The following EPHB2 variants were observed in gnomAD, a reference collection of about 807,000 sequenced individuals.
The protein encoded by EPHB2 is ephrin type-B receptor 2.
EPHB2 carries 18 observed loss-of-function variants against 96.4 expected under a neutral mutation model. The ratio of observed to expected loss-of-function variants is 0.19; its 90% confidence interval spans 0.13 to 0.28. EPHB2 has a LOEUF of 0.28. Among genes scored for constraint, EPHB2 ranks in the 10% least tolerant of loss-of-function variants. The pLI, the probability that EPHB2 is intolerant of heterozygous loss-of-function variation, is 1.00. For missense variants in EPHB2, 989 were observed against 1,355.4 expected (o/e 0.73, Z 4.25); for synonymous variants, 506 against 534.1 (o/e 0.95, Z 0.72).
chr1:22,751,209 G>T (rs1462937200), intron 1 of EPHB2, among the ~76,000 whole-genome samples: 1 of 152,196 alleles, frequency 6.6e-6, no homozygotes, highest in African/African-American at 2.4e-5. Context: ...GAGGGGATGG[G>T]ACCTAGCAGA....
chr1:22,778,478 A>G lies in EPHB2; in HGVS notation c.62-2943A>G, dbSNP rs147117782. Among the ~76,000 whole-genome samples the G allele has an allele frequency of 9.9e-5, 15 of 152,226 alleles. No homozygotes were observed. In the East Asian group the frequency reaches 2.9e-3, roughly 29 times the overall value. ...GGGAGGGGTTAAAATTGAAAAGCAA[A>G]AGACCAGGTTGGGGAGAGAGCATGC... is the stretch of plus-strand genomic sequence containing the variant. On this transcript the variant is annotated intron_variant, in intron 1 of 15. Coordinates refer to ENST00000374630, the MANE Select transcript of EPHB2 (RefSeq NM_017449.5).
intron 9 of EPHB2, among the ~76,000 whole-genome samples, chr1:22,896,800 A>C (rs1639580213): frequency 6.6e-6 from 1 of 152,176 alleles, no homozygotes; most frequent in Non-Finnish European, 1.5e-5. Context: ...CGCAGGCTGC[A>C]TTGAGGTGGC....
intron 3 of EPHB2, among the ~76,000 whole-genome samples, chr1:22,804,598 C>T (rs1050878161): frequency 6.6e-5 from 10 of 151,992 alleles, no homozygotes; most frequent in African/African-American, 2.4e-4. Context: ...TAGGAACCTC[C>T]CCGCCCCACC....
chr1:22,840,723 AGT>A, intron 3 of EPHB2, among the ~76,000 whole-genome samples: 1 of 152,284 alleles, frequency 6.6e-6, no homozygotes, highest in African/African-American at 2.4e-5. Flanking sequence ...TGCCTCCCGA[AGT>A]GCTGGGATTA....
intron 3 of EPHB2, among the ~76,000 whole-genome samples, chr1:22,795,163 C>G (rs78666033): frequency 6.6e-6 from 1 of 152,100 alleles, no homozygotes; most frequent in Non-Finnish European, 1.5e-5. Flanking sequence ...CAAGAGGAAC[C>G]GAGGCCCAGA....
chr1:22,875,462 A>G lies in EPHB2; in HGVS notation c.1304-6897A>G, dbSNP rs1041672690. Among the ~76,000 whole-genome samples, 1 of 152,124 alleles carries G rather than the reference A, an allele frequency of 6.6e-6. No individual in the cohort carries two copies. Among genetic ancestry groups the G allele is most frequent in the South Asian group, 2.1e-4 (1 of 4,830 alleles). ...TGTGGGTGGGCACAGGGCCTGGGGG[A>G]GAGGGAAACTGCCTTCCGCTGGCTG... On this transcript the variant is annotated intron_variant, in intron 5 of 15. Coordinates refer to ENST00000374630, the MANE Select transcript of EPHB2 (RefSeq NM_017449.5). The surrounding 1 kb of genome is among the most constrained non-coding windows in gnomAD (Gnocchi z 4.2).
intron 3 of EPHB2, among the ~76,000 whole-genome samples, chr1:22,847,369 A>G (rs1645558545): frequency 6.6e-6 from 1 of 152,186 alleles, no homozygotes; most frequent in African/African-American, 2.4e-5. Flanking sequence ...CTGATAACTT[A>G]TATGAAGCCT....
intron 3 of EPHB2, among the ~76,000 whole-genome samples, chr1:22,792,609 G>T (rs1321284406): frequency 1.3e-5 from 2 of 151,482 alleles, no homozygotes; most frequent in Non-Finnish European, 2.9e-5. Context: ...ATCTGTCCAT[G>T]ATACATCCAT....
chr1:22,744,675 A>C (rs1643946271), intron 1 of EPHB2, among the ~76,000 whole-genome samples: 1 of 96,524 alleles, frequency 1.0e-5, no homozygotes, highest in East Asian at 2.8e-4. Context: ...TTGTCTCAAA[A>C]AAAAAAAAAA....
At chr1:22,819,205 G>GTCTCTCTCTCTC (rs71020453) in intron 3 of EPHB2, among the ~76,000 whole-genome samples, 4,898 of 103,356 alleles carry the variant, frequency 0.047, 548 homozygotes, top group East Asian at 0.071. Flanking sequence ...CCCAGCAGAT[G>GTCTCTCTCTCTC]TCTCTCTCTC....
chr1:22,833,413 C>T (rs1033005446), intron 3 of EPHB2, among the ~76,000 whole-genome samples: 18 of 152,102 alleles, frequency 1.2e-4, no homozygotes, highest in African/African-American at 4.1e-4. Context: ...CCACCATGCC[C>T]GGCCTCATTT....
At chr1:22,728,755 A>G (rs951396625) in intron 1 of EPHB2, among the ~76,000 whole-genome samples, 8 of 152,206 alleles carry the variant, frequency 5.3e-5, no homozygotes, top group South Asian at 2.1e-4. Context: ...ATGACCCCCA[A>G]TCCCGAAGGG....
In EPHB2 at chr1:22,784,814, C is replaced by G. The variant is rs1408258607; in HGVS notation, c.549C>G (p.Gly183=). Residue 183 remains glycine (G), a synonymous_variant, in exon 3 of 16, where the codon GGC becomes GGG. Transcript: ENST00000374630. This position sits in a 1 kb window ranked among gnomAD's most constrained non-coding sequence, Gnocchi z 5.1. Reference sequence around the variant, plus strand: ...ACCTGGCCTTCCAGGACTATGGCGGCTGCATGTCCCTCATCGCCGTGCGTG... The same window carrying G: ...ACCTGGCCTTCCAGGACTATGGCGGGTGCATGTCCCTCATCGCCGTGCGTG... ...GFYLAFQDYG[G]CMSLIAVRVF... is the part of the protein sequence containing the mutation. 2 of 1,601,724 alleles carry G rather than the reference C, an allele frequency of 1.2e-6. No individual in the cohort carries two copies. Among genetic ancestry groups the G allele is most frequent in the Admixed American group, 1.7e-5 (1 of 59,532 alleles).
rs191113543 is a variant in EPHB2, at chr1:22,796,032, C to T, written c.811+10956C>T. Among the ~76,000 whole-genome samples the T allele has an allele frequency of 1.8e-3, 271 of 152,282 alleles. 2 individuals carry two copies. Among genetic ancestry groups the T allele is most frequent in the Admixed American group, 5.9e-3 (91 of 15,298 alleles). The stretch of plus-strand genomic sequence containing the variant: ...CTCAGGGGAGCCCAGGGGTCTCACT[C>T]CTGCTAAGGTGGAAGTGGGTGCAAC... On this transcript the variant is annotated intron_variant, in intron 3 of 15. Coordinates refer to ENST00000374630, the MANE Select transcript of EPHB2 (RefSeq NM_017449.5).
At chr1:22,730,896 C>T (rs1490998218) in intron 1 of EPHB2, among the ~76,000 whole-genome samples, 1 of 152,046 alleles carries the variant, frequency 6.6e-6, no homozygotes, top group African/African-American at 2.4e-5. Flanking sequence ...GAGTGAGGGA[C>T]AGAGCAGGGG....
intron 5 of EPHB2, among the ~76,000 whole-genome samples, chr1:22,868,391 GTA>G (rs530496678): frequency 3.5e-4 from 54 of 152,286 alleles, no homozygotes; most frequent in African/African-American, 1.3e-3. Context: ...TTTAGTCAGT[GTA>G]TGAGTCAGCT....
chr1:22,760,637 G>A (rs1644222596), intron 1 of EPHB2, among the ~76,000 whole-genome samples: 1 of 152,306 alleles, frequency 6.6e-6, no homozygotes, highest in Non-Finnish European at 1.5e-5. Context: ...CCCCTGTCCG[G>A]GAGGGTGATA....
intron 3 of EPHB2, among the ~76,000 whole-genome samples, chr1:22,795,935 G>A (rs1276968613): frequency 6.6e-6 from 1 of 152,136 alleles, no homozygotes; most frequent in East Asian, 1.9e-4. Flanking sequence ...CACGAGCCAC[G>A]TGTTCTCAGG....
intron 1 of EPHB2, among the ~76,000 whole-genome samples, chr1:22,731,511 T>G (rs961469966): frequency 6.6e-6 from 1 of 152,160 alleles, no homozygotes; most frequent in Non-Finnish European, 1.5e-5. Context: ...GTCCTTACCT[T>G]AGTAGGTGGC....
Sources: gnomAD v4.1 joint callset for allele counts (sites outside exome capture counted in the v4.1 genomes callset) on GRCh38, gnomAD v4.1.1 for gene constraint, Gnocchi (gnomAD v3.1) non-coding constraint, MANE v1.5 for transcripts, NCBI Gene and HGNC (gene_info 2026-07-23, HGNC 2026-07-21) for gene names.